EEIG2: variants seen among roughly 807,000 people sequenced by gnomAD.
EEIG2 encodes the protein family with sequence similarity 102 member B.
the EEIG2 span, among the ~76,000 whole-genome samples, chr1:108,576,113 C>G: frequency 6.6e-6 from 1 of 152,132 alleles, no homozygotes; most frequent in Non-Finnish European, 1.5e-5. Context: ...TCCCAAGTAG[C>G]TGGGACCACA....
chr1:108,604,486 T>A, the EEIG2 span, among the ~76,000 whole-genome samples: 36 of 152,286 alleles, frequency 2.4e-4, 2 homozygotes, highest in African/African-American at 7.2e-4. Context: ...TATGGATGAT[T>A]GGGATATGAC....
the EEIG2 span, among the ~76,000 whole-genome samples, chr1:108,619,454 AAG>A: frequency 6.6e-6 from 1 of 152,242 alleles, no homozygotes; most frequent in Non-Finnish European, 1.5e-5. Context: ...CTGATGTAAA[AAG>A]TAAATTAGTT....
chr1:108,635,761 G>C, the EEIG2 span: 1 of 152,188 alleles, frequency 6.6e-6, no homozygotes, highest in Non-Finnish European at 1.5e-5. Flanking sequence ...AATAACAAGT[G>C]CATTTAAGTC....
At chr1:108,607,098 A>G in the EEIG2 span, among the ~76,000 whole-genome samples, 1 of 152,232 alleles carries the variant, frequency 6.6e-6, no homozygotes, top group African/African-American at 2.4e-5. Context: ...AAACAAGGAG[A>G]TGTGAGATAG....
chr1:108,560,952 T>A, the EEIG2 span, among the ~76,000 whole-genome samples: 1 of 152,210 alleles, frequency 6.6e-6, no homozygotes, highest in Admixed American at 6.5e-5. Flanking sequence ...CAGAAACCTG[T>A]GCTTAGCACA....
At chr1:108,629,718 G>A in the EEIG2 span, 6 of 1,308,600 alleles carry the variant, frequency 4.6e-6, no homozygotes, top group Admixed American at 1.0e-4. Context: ...AAAATCATGA[G>A]TAGAGGATGA....
chr1:108,628,029 TA>T, the EEIG2 span: 1 of 693,866 alleles, frequency 1.4e-6, no homozygotes, highest in South Asian at 1.8e-5. Flanking sequence ...TGCACTGACT[TA>T]AAAGGATGTC....
the EEIG2 span, among the ~76,000 whole-genome samples, chr1:108,573,233 A>G: frequency 6.6e-6 from 1 of 152,354 alleles, no homozygotes; most frequent in East Asian, 1.9e-4. Context: ...AAATAAATAA[A>G]GATCAGAAAA....
At chr1:108,585,424 T>C in the EEIG2 span, among the ~76,000 whole-genome samples, 1 of 152,094 alleles carries the variant, frequency 6.6e-6, no homozygotes, top group Admixed American at 6.6e-5. Flanking sequence ...TCCTTCTATG[T>C]GAGGAGTGGT....
At chr1:108,630,927 A>G in the EEIG2 span, among the ~76,000 whole-genome samples, 2 of 152,196 alleles carry the variant, frequency 1.3e-5, no homozygotes, top group African/African-American at 4.8e-5. Flanking sequence ...TTCTTTTACT[A>G]ATACTCATTT....
the EEIG2 span, among the ~76,000 whole-genome samples, chr1:108,567,314 T>C: frequency 1.3e-5 from 2 of 152,204 alleles, no homozygotes; most frequent in African/African-American, 2.4e-5. Context: ...CATTTAATCT[T>C]CAAGATATTC....
the EEIG2 span, among the ~76,000 whole-genome samples, chr1:108,571,786 C>T: frequency 4.6e-5 from 7 of 152,148 alleles, no homozygotes; most frequent in East Asian, 9.7e-4. Flanking sequence ...TTTTATTGTC[C>T]GTCCTTCCTC....
At chr1:108,616,254 C>T in the EEIG2 span, 33 of 687,234 alleles carry the variant, frequency 4.8e-5, no homozygotes, top group Non-Finnish European at 7.9e-5. Context: ...CTTAGCCTCC[C>T]GTGGATATAA....
the EEIG2 span, among the ~76,000 whole-genome samples, chr1:108,601,050 T>A: frequency 1.3e-5 from 2 of 152,134 alleles, no homozygotes; most frequent in African/African-American, 2.4e-5. Flanking sequence ...AAATTAGGTG[T>A]TATTTTCTCC....
the EEIG2 span, chr1:108,635,196 T>C: frequency 6.2e-7 from 1 of 1,606,332 alleles, no homozygotes; most frequent in African/African-American, 1.3e-5. Context: ...AAGATGTGAG[T>C]AGTTGATGTA....
At chr1:108,631,207 T>C in the EEIG2 span, 1 of 321,922 alleles carries the variant, frequency 3.1e-6, no homozygotes. Context: ...ACCCAGCTCT[T>C]ACCCTCTGCT....
At chr1:108,608,845 G>A in the EEIG2 span, among the ~76,000 whole-genome samples, 1 of 152,208 alleles carries the variant, frequency 6.6e-6, no homozygotes, top group Non-Finnish European at 1.5e-5. Flanking sequence ...CCAAGATCAA[G>A]GTGCTGGTGG....
At chr1:108,615,986 A>G in the EEIG2 span, among the ~76,000 whole-genome samples, 1 of 152,064 alleles carries the variant, frequency 6.6e-6, no homozygotes, top group Non-Finnish European at 1.5e-5. Context: ...CACCCACAGG[A>G]TTATTACTGG....
At chr1:108,588,384 C>T in the EEIG2 span, among the ~76,000 whole-genome samples, 162 of 152,158 alleles carry the variant, frequency 1.1e-3, no homozygotes, top group African/African-American at 3.4e-3. Context: ...TTTGTCTTTT[C>T]GATAATATCC....
Sources: allele counts gnomAD v4.1 joint callset (sites outside exome capture counted in the v4.1 genomes callset), GRCh38; gene constraint gnomAD v4.1.1; transcripts MANE v1.5; gene names NCBI Gene and HGNC (gene_info 2026-07-23, HGNC 2026-07-21).